CNTNAP5: variants seen among roughly 807,000 people sequenced by gnomAD.
The protein encoded by CNTNAP5 is contactin-associated protein-like 5.
CNTNAP5 carries 72 observed loss-of-function variants against 150.2 expected under a neutral mutation model. The observed-to-expected ratio is 0.48, with a 90% CI of 0.40 to 0.58. The LOEUF (loss-of-function observed/expected upper bound fraction) is 0.58, where lower values mean the gene tolerates loss of function less well. Among genes scored for constraint, CNTNAP5 ranks in the 20% least tolerant of loss-of-function variants. CNTNAP5 has a pLI of 0.00. For missense variants in CNTNAP5, 1,636 were observed against 1,626.2 expected, an observed-to-expected ratio of 1.01 and a Z score of -0.10; for synonymous variants, 672 against 619.8, an observed-to-expected ratio of 1.08 and a Z score of -1.25.
intron 3 of CNTNAP5, among the ~76,000 whole-genome samples, chr2:124,353,585 AATTT>A: frequency 1.3e-5 from 2 of 152,192 alleles, no homozygotes; most frequent in Middle Eastern, 6.8e-3. Context: ...GCGGAGTGAG[AATTT>A]GTATTATCCT....
intron 1 of CNTNAP5, among the ~76,000 whole-genome samples, chr2:124,103,938 T>C (rs1297963785): frequency 6.8e-6 from 1 of 147,548 alleles, no homozygotes; most frequent in Admixed American, 6.8e-5. Flanking sequence ...TATTATATAA[T>C]TTAAGCATTA....
intron 1 of CNTNAP5, among the ~76,000 whole-genome samples, chr2:124,113,506 ATGTGTGTGTGTG>A (rs138877401): frequency 6.3e-5 from 9 of 142,794 alleles, no homozygotes; most frequent in African/African-American, 2.3e-4. Context: ...ATACATATAT[ATGTGTGTGTGTG>A]TGTGTGTGTG....
intron 11 of CNTNAP5, among the ~76,000 whole-genome samples, chr2:124,594,563 G>A (rs1177709763): frequency 4.9e-5 from 7 of 143,708 alleles, no homozygotes; most frequent in Non-Finnish European, 1.1e-4. Context: ...TTTGAAGTCA[G>A]GTAGTGTGAT....
At chr2:124,068,294 C>G (rs114685903) in intron 1 of CNTNAP5, among the ~76,000 whole-genome samples, 1 of 152,072 alleles carries the variant, frequency 6.6e-6, no homozygotes, top group Non-Finnish European at 1.5e-5. Flanking sequence ...GGAGACAGAG[C>G]GCAGCAACTG....
intron 3 of CNTNAP5, among the ~76,000 whole-genome samples, chr2:124,371,767 G>T (rs1484108640): frequency 6.6e-6 from 1 of 151,998 alleles, no homozygotes; most frequent in East Asian, 1.9e-4. Flanking sequence ...TTAGCCAATG[G>T]GTAGGGAAGG....
At chr2:124,704,837 G>A (rs1387117627) in intron 13 of CNTNAP5, among the ~76,000 whole-genome samples, 8 of 151,878 alleles carry the variant, frequency 5.3e-5, no homozygotes, top group Non-Finnish European at 7.4e-5. Context: ...TCTCAGCTTA[G>A]CATCTTTGTG....
chr2:124,221,245 GAC>G (rs1686302087), intron 1 of CNTNAP5, among the ~76,000 whole-genome samples: 1 of 152,116 alleles, frequency 6.6e-6, no homozygotes, highest in Admixed American at 6.6e-5. Context: ...TACTCCTCTA[GAC>G]ACAATTATTA....
intron 1 of CNTNAP5, among the ~76,000 whole-genome samples, chr2:124,122,554 T>C (rs922555372): frequency 4.6e-5 from 7 of 152,126 alleles, no homozygotes; most frequent in African/African-American, 1.4e-4. Flanking sequence ...ATGAGTTTCA[T>C]TCAACTTTGG....
At chr2:124,108,805 C>T (rs898507707) in intron 1 of CNTNAP5, among the ~76,000 whole-genome samples, 1 of 152,160 alleles carries the variant, frequency 6.6e-6, no homozygotes, top group Admixed American at 6.6e-5. Flanking sequence ...TTCCTTAAGA[C>T]ATTTCAGAAA....
chr2:124,145,835 A>AAAAAG (rs1553441873), intron 1 of CNTNAP5, among the ~76,000 whole-genome samples: 792 of 49,746 alleles, frequency 0.016, 8 homozygotes, highest in African/African-American at 0.066. Context: ...AAAAGAAGAA[A>AAAAAG]AAAAAAAAAA....
chr2:124,048,529 C>A, intron 1 of CNTNAP5, among the ~76,000 whole-genome samples: 1 of 152,018 alleles, frequency 6.6e-6, no homozygotes, highest in East Asian at 1.9e-4. Context: ...TTGGAGTGGT[C>A]CATTGGACAT....
At chr2:124,660,044 A>AGAG (rs1179935491) in intron 13 of CNTNAP5, among the ~76,000 whole-genome samples, 1 of 37,426 alleles carries the variant, frequency 2.7e-5, no homozygotes, top group Non-Finnish European at 4.8e-5. Context: ...GGAAGGAAGA[A>AGAG]AGGAAGGAAG....
intron 5 of CNTNAP5, among the ~76,000 whole-genome samples, chr2:124,439,252 T>C (rs965102599): frequency 6.6e-6 from 1 of 152,108 alleles, no homozygotes; most frequent in Non-Finnish European, 1.5e-5. Flanking sequence ...ACATTTTTCA[T>C]AAATTCTGTC....
At chr2:124,304,280 T>C (rs968577397) in intron 3 of CNTNAP5, among the ~76,000 whole-genome samples, 7 of 152,160 alleles carry the variant, frequency 4.6e-5, no homozygotes, top group Non-Finnish European at 8.8e-5. Flanking sequence ...AATTTATAAA[T>C]TGAGCCCTTG....
At chr2:124,269,931 T>C (rs1391228754) in intron 3 of CNTNAP5, among the ~76,000 whole-genome samples, 2 of 152,180 alleles carry the variant, frequency 1.3e-5, no homozygotes, top group Non-Finnish European at 2.9e-5. Flanking sequence ...ACTCAAATCA[T>C]GTCTGCGGAT....
At chr2:124,630,359 A>G (rs770149605) in intron 12 of CNTNAP5, among the ~76,000 whole-genome samples, 4 of 152,200 alleles carry the variant, frequency 2.6e-5, no homozygotes, top group Non-Finnish European at 4.4e-5. Context: ...GCAGCACATC[A>G]AATAGCTTAT....
At chr2:124,192,697 C>T (rs1200018062) in intron 1 of CNTNAP5, among the ~76,000 whole-genome samples, 1 of 152,154 alleles carries the variant, frequency 6.6e-6, no homozygotes, top group East Asian at 1.9e-4. Context: ...CCCTCCTTCT[C>T]CTGGGCTACT....
intron 1 of CNTNAP5, among the ~76,000 whole-genome samples, chr2:124,045,977 G>A (rs1213951618): frequency 6.6e-6 from 1 of 152,134 alleles, no homozygotes; most frequent in African/African-American, 2.4e-5. Context: ...CTTGGATAAA[G>A]GTATTTATAT....
intron 4 of CNTNAP5, among the ~76,000 whole-genome samples, chr2:124,432,719 T>C (rs1276681822): frequency 6.6e-6 from 1 of 152,146 alleles, no homozygotes; most frequent in African/African-American, 2.4e-5. Context: ...TCAGCTAGAA[T>C]GTGAGAAGCC....
Sources: allele counts gnomAD v4.1 joint callset (sites outside exome capture counted in the v4.1 genomes callset), GRCh38; gene constraint gnomAD v4.1.1; transcripts MANE v1.5; gene names NCBI Gene and HGNC (gene_info 2026-07-23, HGNC 2026-07-21).